MIPOL1: variants seen among roughly 807,000 people sequenced by gnomAD.
MIPOL1 encodes mirror-image polydactyly 1, also known as mirror-image polydactyly gene 1 protein.
In MIPOL1, 57 loss-of-function variants were observed where a neutral mutation model predicts 60.9. That is an observed-to-expected ratio of 0.94 (90% CI 0.76 to 1.17). The LOEUF is 1.17. Among genes scored for constraint, MIPOL1 ranks in the 50% most tolerant of loss-of-function variants. The pLI is 0.00. For synonymous variants in MIPOL1, 179 were observed against 168.8 expected, an observed-to-expected ratio of 1.06 and a Z score of -0.47; for missense variants, 551 against 511.6, an observed-to-expected ratio of 1.08 and a Z score of -0.74.
At chr14:37,345,179 C>T (rs962648434) in intron 9 of MIPOL1, among the ~76,000 whole-genome samples, 1 of 152,194 alleles carries the variant, frequency 6.6e-6, no homozygotes, top group Non-Finnish European at 1.5e-5. Flanking sequence ...GTGCAGCTCA[C>T]TGCAGCCTTG....
At chr14:37,326,438 G>T (rs1255349364) in intron 9 of MIPOL1, among the ~76,000 whole-genome samples, 1 of 152,190 alleles carries the variant, frequency 6.6e-6, no homozygotes, top group African/African-American at 2.4e-5. Context: ...AGCATTGTGT[G>T]TAGGGAAGGC....
chr14:37,291,294 A>T (rs1167345449), intron 7 of MIPOL1, among the ~76,000 whole-genome samples: 1 of 152,064 alleles, frequency 6.6e-6, no homozygotes, highest in African/African-American at 2.4e-5. Context: ...TATATGGGAC[A>T]TTTTTGTCCT....
intron 12 of MIPOL1, among the ~76,000 whole-genome samples, chr14:37,526,983 T>C (rs1285822267): frequency 6.6e-6 from 1 of 152,170 alleles, no homozygotes; most frequent in Non-Finnish European, 1.5e-5. Flanking sequence ...AATTATATTG[T>C]TCTGATATGC....
chr14:37,453,468 A>G (rs1444225642), intron 11 of MIPOL1, among the ~76,000 whole-genome samples: 1 of 152,148 alleles, frequency 6.6e-6, no homozygotes, highest in African/African-American at 2.4e-5. Context: ...TTGAAAAACA[A>G]AAGTTATATA....
intron 3 of MIPOL1, among the ~76,000 whole-genome samples, chr14:37,248,221 G>A (rs755000113): frequency 1.3e-5 from 2 of 151,986 alleles, no homozygotes; most frequent in Non-Finnish European, 2.9e-5. Context: ...CAAAGAGACA[G>A]AGGAGACAGA....
At chr14:37,353,295 G>A (rs2091545826) in intron 9 of MIPOL1, among the ~76,000 whole-genome samples, 1 of 111,420 alleles carries the variant, frequency 9.0e-6, no homozygotes, top group South Asian at 3.6e-4. Context: ...ATGTGCTGCT[G>A]GATTCGGTTT....
chr14:37,212,328 G>C (rs1966865697), intron 1 of MIPOL1: 1 of 152,040 alleles, frequency 6.6e-6, no homozygotes, highest in Non-Finnish European at 1.5e-5. Context: ...ACCTGCTCTG[G>C]GCCAGAGAGG....
intron 6 of MIPOL1, among the ~76,000 whole-genome samples, chr14:37,273,356 A>T (rs898073224): frequency 4.0e-5 from 6 of 150,806 alleles, no homozygotes; most frequent in Non-Finnish European, 7.4e-5. Flanking sequence ...AAAAAAAAAC[A>T]TTGCTTTCAA....
chr14:37,298,836 T>C (rs2086059337), intron 7 of MIPOL1, among the ~76,000 whole-genome samples: 1 of 150,752 alleles, frequency 6.6e-6, no homozygotes, highest in Non-Finnish European at 1.5e-5. Flanking sequence ...AGGAACACTT[T>C]TACACTGTTG....
intron 12 of MIPOL1, among the ~76,000 whole-genome samples, chr14:37,543,299 A>C (rs1416374661): frequency 6.6e-6 from 1 of 151,860 alleles, no homozygotes; most frequent in Non-Finnish European, 1.5e-5. Flanking sequence ...TTTTTTAGAC[A>C]GAGTCTTGGT....
At chr14:37,360,004 A>T (rs1595386478) in intron 9 of MIPOL1, among the ~76,000 whole-genome samples, 1 of 152,050 alleles carries the variant, frequency 6.6e-6, no homozygotes, top group African/African-American at 2.4e-5. Flanking sequence ...ATCAATGTCT[A>T]GTTCATTGTG....
At chr14:37,366,963 A>G (rs980577343) in intron 9 of MIPOL1, among the ~76,000 whole-genome samples, 21 of 152,148 alleles carry the variant, frequency 1.4e-4, no homozygotes, top group Non-Finnish European at 2.4e-4. Flanking sequence ...TGATATAAGC[A>G]TAGCTACTCC....
At chr14:37,208,620 G>T (rs1465791198) in intron 1 of MIPOL1, among the ~76,000 whole-genome samples, 4 of 152,120 alleles carry the variant, frequency 2.6e-5, no homozygotes, top group East Asian at 1.9e-4. Context: ...TTGAGACAGG[G>T]TCTCACTATG....
intron 12 of MIPOL1, among the ~76,000 whole-genome samples, chr14:37,512,014 A>G (rs915543255): frequency 6.5e-4 from 99 of 152,300 alleles, no homozygotes; most frequent in Admixed American, 5.6e-3. Context: ...ATTATTTAAA[A>G]TTTACAGGAG....
intron 7 of MIPOL1, among the ~76,000 whole-genome samples, chr14:37,296,394 A>T (rs1272465008): frequency 6.6e-6 from 1 of 152,218 alleles, no homozygotes; most frequent in Non-Finnish European, 1.5e-5. Flanking sequence ...AATTAAAAGA[A>T]CTAGAGAAGC....
chr14:37,358,935 T>A (rs1039082295), intron 9 of MIPOL1, among the ~76,000 whole-genome samples: 2 of 152,204 alleles, frequency 1.3e-5, no homozygotes, highest in Non-Finnish European at 2.9e-5. Flanking sequence ...TGGTATTGCC[T>A]AGGTTTTCTT....
At chr14:37,307,379 T>C (rs1357398651) in intron 7 of MIPOL1, among the ~76,000 whole-genome samples, 3 of 152,098 alleles carry the variant, frequency 2.0e-5, no homozygotes, top group East Asian at 1.9e-4. Flanking sequence ...TGCATTTCTT[T>C]AATTTCTCAA....
At chr14:37,499,312 C>T (rs557895344) in intron 11 of MIPOL1, among the ~76,000 whole-genome samples, 16 of 151,828 alleles carry the variant, frequency 1.1e-4, no homozygotes, top group Admixed American at 3.3e-4. Context: ...TAGATGTATT[C>T]GTTAAGAGAT....
intron 7 of MIPOL1, among the ~76,000 whole-genome samples, chr14:37,286,265 A>G (rs181052690): frequency 6.8e-4 from 103 of 152,334 alleles, no homozygotes; most frequent in African/African-American, 2.4e-3. Context: ...TGATAGGTAG[A>G]TGATGGACTA....
Sources: allele counts gnomAD v4.1 joint callset (sites outside exome capture counted in the v4.1 genomes callset), GRCh38; gene constraint gnomAD v4.1.1; transcripts MANE v1.5; gene names NCBI Gene and HGNC (gene_info 2026-07-23, HGNC 2026-07-21).